Variants in IFT52 observed in about 807,000 individuals in gnomAD.
IFT52 encodes the protein intraflagellar transport protein 52 homolog.
A neutral mutation model predicts 54.4 loss-of-function variants in IFT52; 44 were observed. That is an observed-to-expected ratio of 0.81 (90% CI 0.63 to 1.04). The LOEUF (loss-of-function observed/expected upper bound fraction) is 1.04. Ranked by LOEUF, IFT52 falls within the 50% of genes least tolerant of loss-of-function variation. The pLI, the probability that IFT52 is intolerant of heterozygous loss-of-function variation, is 0.00. For missense variants in IFT52, 452 were observed against 523.6 expected (o/e 0.86, Z 1.33); for synonymous variants, 181 against 185.3 (o/e 0.98, Z 0.19).
chr20:43,603,590 A>G (rs1410532034), intron 3 of IFT52, among the ~76,000 whole-genome samples, 170 bp from the exon 4 acceptor site: 1 of 152,228 alleles, frequency 6.6e-6, no homozygotes, highest in Non-Finnish European at 1.5e-5. Flanking sequence ...ATGCTCAAAG[A>G]CAAGCTTGGA....
At position 43,639,618 on chromosome 20, in the gene IFT52, C is replaced by T. The variant is rs556385461; in HGVS notation, c.1120+2365C>T. 2.0e-5 allele frequency among the ~76,000 whole-genome samples: 3 copies of T among 152,096 alleles called. No individual in the cohort carries two copies. In the East Asian group the frequency reaches 5.8e-4, roughly 30 times the overall value. On this transcript the variant is annotated intron_variant, in intron 12 of 13. Transcript: ENST00000373030. ...CCAGGAGTTGGAAGTTGCGGTGAGC[C>T]GAGATCGTGTCATTGCACTCCAGCC...
chr20:43,605,223 C>T, intron 6 of IFT52, 150 bp downstream of exon 6: 1 of 1,434,440 alleles, frequency 7.0e-7, no homozygotes, highest in Non-Finnish European at 9.1e-7. Flanking sequence ...CACTGTAAGT[C>T]CATGCTCCTC....
At chr20:43,606,974 T>C (rs941214050) in intron 6 of IFT52, among the ~76,000 whole-genome samples, 1 of 152,214 alleles carries the variant, frequency 6.6e-6, no homozygotes, top group African/African-American at 2.4e-5. Context: ...AAGTCTCCCG[T>C]GTCTACTTCT....
intron 8 of IFT52, 30 bp downstream of exon 8, chr20:43,619,056 A>G (rs1306181647): frequency 5.7e-6 from 8 of 1,393,802 alleles, no homozygotes; most frequent in African/African-American, 2.9e-5. Flanking sequence ...ATATTAATAT[A>G]CAATGTGTAT....
chr20:43,642,423 A>G lies in IFT52; in HGVS notation c.1121-56A>G, dbSNP rs1985975669. 3 of 1,538,594 alleles carry G rather than the reference A, an allele frequency of 1.9e-6. No homozygotes were observed. In the Admixed American group the frequency reaches 5.2e-5, roughly 27 times the overall value. ...CATACCTGAAACACACTAAGTCTGT[A>G]CTTTGGGAAGGGCAGAAGTTAAGAA... On this transcript the variant is annotated intron_variant, in intron 12 of 13. Coordinates refer to ENST00000373030, the MANE Select transcript of IFT52 (RefSeq NM_016004.5).
At position 43,639,422 on chromosome 20, in the gene IFT52, G is replaced by A. The variant is rs968483675; in HGVS notation, c.1120+2169G>A. Among the ~76,000 whole-genome samples the A allele has an allele frequency of 4.6e-5, 7 of 152,218 alleles. No homozygotes were observed. In the South Asian group the frequency reaches 1.0e-3, roughly 23 times the overall value. ...GCAGTGGCTCACGCCTGTAATCCCG[G>A]CACATTGGGAGGCCAAGGTGGGCAG... On this transcript the variant is annotated intron_variant, in intron 12 of 13. Coordinates refer to ENST00000373030, the MANE Select transcript of IFT52 (RefSeq NM_016004.5).
chr20:43,607,886 T>C (rs1482697100), intron 6 of IFT52, among the ~76,000 whole-genome samples: 1 of 152,216 alleles, frequency 6.6e-6, no homozygotes, highest in Non-Finnish European at 1.5e-5. Context: ...AGACTCCGTC[T>C]GCAATCCCGG....
chr20:43,628,074 G>C (rs950195793), intron 10 of IFT52, among the ~76,000 whole-genome samples: 1 of 151,740 alleles, frequency 6.6e-6, no homozygotes, highest in African/African-American at 2.4e-5. Flanking sequence ...GACTACAGGC[G>C]TGCACCACCA....
Position 43,605,289 on chromosome 20 carries a change from T to A in IFT52, c.485+216T>A, listed in dbSNP as rs1030248737. 9.7e-6 allele frequency: 12 copies of A among 1,232,714 alleles called. No homozygotes were observed. In the African/African-American group the frequency reaches 1.4e-4, roughly 15 times the overall value. The allele number at this position is 1,232,714 out of a possible 1,614,324, so 76.4% of individuals were successfully genotyped here. A position where few individuals can be genotyped will look rare whatever the true frequency, so the allele number is the denominator to read the frequency against. On this transcript the variant is annotated intron_variant, in intron 6 of 13. Coordinates refer to ENST00000373030, the MANE Select transcript of IFT52 (RefSeq NM_016004.5). The stretch of plus-strand genomic sequence containing the variant: ...GGCCCAGCATGGTGGCTCACGCCTG[T>A]AATCCTAGCACTTTTGGGAGGCCGA...
At chr20:43,625,547 G>T (rs1331244475) in intron 10 of IFT52, among the ~76,000 whole-genome samples, 1 of 152,060 alleles carries the variant, frequency 6.6e-6, no homozygotes, top group African/African-American at 2.4e-5. Context: ...CATTGAAAAG[G>T]TTAGATATTT....
chr20:43,630,004 T>C (rs1293703532), intron 10 of IFT52, among the ~76,000 whole-genome samples: 1 of 152,198 alleles, frequency 6.6e-6, no homozygotes, highest in Non-Finnish European at 1.5e-5. Flanking sequence ...AATGTGTTAC[T>C]GTAGGAGGTG....
At chr20:43,602,225 C>T (rs975704832) in intron 3 of IFT52, among the ~76,000 whole-genome samples, 8 of 151,380 alleles carry the variant, frequency 5.3e-5, no homozygotes, top group African/African-American at 1.7e-4. Flanking sequence ...AGTGCATTGG[C>T]GCATTCTCGG....
chr20:43,612,775 A>G (rs1983559312), intron 6 of IFT52, among the ~76,000 whole-genome samples: 1 of 152,208 alleles, frequency 6.6e-6, no homozygotes, highest in African/African-American at 2.4e-5. Flanking sequence ...GTCTAAAGAA[A>G]AAGGGAAATT....
At chr20:43,603,700 T>C (rs753435066) in intron 3 of IFT52, 60 bp from the exon 4 acceptor site, 14 of 1,497,458 alleles carry the variant, frequency 9.3e-6, no homozygotes, top group Middle Eastern at 1.7e-4. Flanking sequence ...GTCTTATTCA[T>C]GGTATTTCGG....
At chr20:43,599,402 A>G (rs568525910) in intron 3 of IFT52, among the ~76,000 whole-genome samples, 108 of 152,316 alleles carry the variant, frequency 7.1e-4, no homozygotes, top group African/African-American at 2.5e-3. Flanking sequence ...AGGCTGATGC[A>G]TCCAAGAGAC....
chr20:43,628,224 C>T (rs953159811), intron 10 of IFT52, among the ~76,000 whole-genome samples: 12 of 152,118 alleles, frequency 7.9e-5, no homozygotes, highest in African/African-American at 1.9e-4. Flanking sequence ...CCACCACGCC[C>T]AGCCCAGTCT....
intron 6 of IFT52, among the ~76,000 whole-genome samples, chr20:43,607,586 G>T (rs1465073370): frequency 2.0e-5 from 3 of 147,058 alleles, no homozygotes; most frequent in African/African-American, 7.6e-5. Flanking sequence ...GCCGGGCAGA[G>T]ATGCTCCGCA....
chr20:43,625,636 C>A (rs992611399), intron 10 of IFT52, among the ~76,000 whole-genome samples: 1 of 152,144 alleles, frequency 6.6e-6, no homozygotes, highest in African/African-American at 2.4e-5. Flanking sequence ...AGGAAACAGC[C>A]AGTCCTAAGA....
Position 43,622,739 on chromosome 20 carries a change from AT to A in IFT52, c.769-1147del, listed in dbSNP as rs56718457. 3.7e-3 allele frequency among the ~76,000 whole-genome samples: 501 copies of A among 134,574 alleles called. 15 individuals carry two copies. The highest frequency in any genetic ancestry group is 0.014 in the African/African-American group (473 of 34,316). The allele number at this position is 134,574 out of a possible 152,430, so 88.3% of individuals were successfully genotyped here. A position where few individuals can be genotyped will look rare whatever the true frequency, so the allele number is the denominator to read the frequency against. ...TTTATGTAAATATAAATATATACAT[AT>A]TTTTATGTAAATATAAATATATACA... On this transcript the variant is annotated intron_variant, in intron 9 of 13. Transcript: ENST00000373030.
Sources: allele counts gnomAD v4.1 joint callset (sites outside exome capture counted in the v4.1 genomes callset), GRCh38; gene constraint gnomAD v4.1.1; transcripts MANE v1.5; gene names NCBI Gene and HGNC (gene_info 2026-07-23, HGNC 2026-07-21).